RBFOX1: variants seen among roughly 807,000 people sequenced by gnomAD.
The protein encoded by RBFOX1 is RNA binding protein fox-1 homolog 1.
In RBFOX1, 8 loss-of-function variants were observed where a neutral mutation model predicts 57.7. The observed-to-expected ratio is 0.14, with a 90% CI of 0.08 to 0.25. The LOEUF is 0.25. Among genes scored for constraint, RBFOX1 ranks in the 10% least tolerant of loss-of-function variants. The probability of loss-of-function intolerance (pLI) is 1.00; values close to 1 mark genes in which losing one functional copy is unlikely to be tolerated. For synonymous variants in RBFOX1, 326 were observed against 222.4 expected, an observed-to-expected ratio of 1.47 and a Z score of -4.15; for missense variants, 611 against 548.5, an observed-to-expected ratio of 1.11 and a Z score of -1.14.
intron 2 of RBFOX1, among the ~76,000 whole-genome samples, chr16:6,481,905 C>T (rs991795355): frequency 6.6e-6 from 1 of 152,046 alleles, no homozygotes; most frequent in African/African-American, 2.4e-5. Context: ...ATTAAAAACA[C>T]TCTTAATGCA....
chr16:5,450,571 T>G, intron 1 of RBFOX1, among the ~76,000 whole-genome samples: 1 of 152,182 alleles, frequency 6.6e-6, no homozygotes, highest in East Asian at 1.9e-4. Flanking sequence ...TCTTTCTTTG[T>G]TCTCTGGAGT....
chr16:7,540,388 C>G (rs75528202), intron 5 of RBFOX1, among the ~76,000 whole-genome samples: 8,434 of 152,272 alleles, frequency 0.055, 324 homozygotes, highest in South Asian at 0.13. Flanking sequence ...GACTTCACAT[C>G]CAGGCTCCCT....
chr16:7,377,292 G>T (rs973337840), intron 4 of RBFOX1, among the ~76,000 whole-genome samples: 2 of 152,182 alleles, frequency 1.3e-5, no homozygotes, highest in Non-Finnish European at 2.9e-5. Flanking sequence ...CTGGGACACA[G>T]GTGGTCCGTA....
intron 1 of RBFOX1, among the ~76,000 whole-genome samples, chr16:6,239,186 A>G (rs989250566): frequency 2.6e-5 from 4 of 152,126 alleles, no homozygotes; most frequent in African/African-American, 9.7e-5. Flanking sequence ...TAACGGTATG[A>G]ATGAATGAAT....
intron 3 of RBFOX1, among the ~76,000 whole-genome samples, chr16:5,662,228 TC>T (rs2049677469): frequency 6.6e-6 from 1 of 152,218 alleles, no homozygotes; most frequent in Non-Finnish European, 1.5e-5. Flanking sequence ...TTGAGTGTCT[TC>T]TAATGTAAAA....
At chr16:5,334,686 A>C (rs955483576) in intron 1 of RBFOX1, among the ~76,000 whole-genome samples, 1 of 151,998 alleles carries the variant, frequency 6.6e-6, no homozygotes, top group Admixed American at 6.6e-5. Flanking sequence ...AATAAATACA[A>C]AACGATTGTT....
chr16:5,245,210 G>A, intron 1 of RBFOX1, among the ~76,000 whole-genome samples: 1 of 152,164 alleles, frequency 6.6e-6, no homozygotes, highest in East Asian at 1.9e-4. Context: ...TTTGGGGAAT[G>A]TTCATGGGAT....
At chr16:5,908,705 G>A (rs570417091) in intron 4 of RBFOX1, among the ~76,000 whole-genome samples, 8 of 151,968 alleles carry the variant, frequency 5.3e-5, no homozygotes, top group Non-Finnish European at 1.0e-4. Flanking sequence ...GTTTCAATTC[G>A]ATGCATATAA....
intron 1 of RBFOX1, among the ~76,000 whole-genome samples, chr16:6,134,683 ATT>A (rs61209958): frequency 7.0e-6 from 1 of 143,456 alleles, no homozygotes; most frequent in Non-Finnish European, 1.5e-5. Context: ...AACTCAGAGT[ATT>A]TTTTTTTTTT....
At chr16:5,732,523 G>A (rs1264072682) in intron 3 of RBFOX1, among the ~76,000 whole-genome samples, 2 of 152,178 alleles carry the variant, frequency 1.3e-5, no homozygotes, top group African/African-American at 4.8e-5. Flanking sequence ...GCAAGACATA[G>A]GGGAGAGGCA....
intron 3 of RBFOX1, among the ~76,000 whole-genome samples, chr16:6,973,426 C>T (rs1458386596): frequency 1.3e-5 from 2 of 152,048 alleles, no homozygotes; most frequent in African/African-American, 4.8e-5. Flanking sequence ...AGCATTCTTC[C>T]CAGTGATATC....
At position 7,426,994 on chromosome 16, in the gene RBFOX1, C is replaced by T. The variant is rs190348361; in HGVS notation, c.28-91153C>T. On this transcript the variant is annotated intron_variant, in intron 4 of 15. Coordinates refer to ENST00000550418, the MANE Select transcript of RBFOX1 (RefSeq NM_018723.4). The stretch of plus-strand genomic sequence containing the variant: ...ATGGATGAAGCTGGAAACCATCATT[C>T]TCAGCAAACTATTGAAAGGACAGAA... Among the ~76,000 whole-genome samples the T allele has an allele frequency of 2.0e-5, 3 of 152,302 alleles. No homozygotes were observed. In the East Asian group the frequency reaches 5.8e-4, roughly 29 times the overall value.
At position 7,137,400 on chromosome 16, in the gene RBFOX1, C is replaced by T. The variant is rs547580828; in HGVS notation, c.27+85302C>T. On this transcript the variant is annotated intron_variant, in intron 4 of 15. Transcript: ENST00000550418. ...TGGGGGTAGTTTCCCCCATACTGTT[C>T]TCGTGGTAGCGAGTAAGTCTGATGA... Among the ~76,000 whole-genome samples the T allele has an allele frequency of 3.9e-5, 6 of 152,226 alleles. No individual in the cohort carries two copies. In the East Asian group the frequency reaches 1.2e-3, roughly 30 times the overall value.
At chr16:6,919,066 C>G (rs1037258903) in intron 3 of RBFOX1, among the ~76,000 whole-genome samples, 5 of 152,108 alleles carry the variant, frequency 3.3e-5, no homozygotes, top group African/African-American at 1.2e-4. Context: ...CTGCAACCTC[C>G]GTTCTTGGGT....
intron 4 of RBFOX1, among the ~76,000 whole-genome samples, chr16:7,058,016 A>AAAAT (rs1555829835): frequency 2.6e-5 from 4 of 151,460 alleles, no homozygotes; most frequent in Non-Finnish European, 5.9e-5. Context: ...GAAAAAAAAA[A>AAAAT]AAAAAACACG....
chr16:5,409,433 T>C (rs2066954763), intron 1 of RBFOX1, among the ~76,000 whole-genome samples: 1 of 152,238 alleles, frequency 6.6e-6, no homozygotes, highest in East Asian at 1.9e-4. Context: ...GGAGGCTTTT[T>C]CCCTCTTAAC....
At chr16:6,657,169 C>A (rs149588420) in intron 3 of RBFOX1, among the ~76,000 whole-genome samples, 1 of 150,220 alleles carries the variant, frequency 6.7e-6, no homozygotes, top group Non-Finnish European at 1.5e-5. Context: ...TCCTCCTTCC[C>A]TTTTTCTCTC....
intron 4 of RBFOX1, among the ~76,000 whole-genome samples, chr16:5,887,649 C>A (rs1390531861): frequency 6.6e-6 from 1 of 152,100 alleles, no homozygotes; most frequent in African/African-American, 2.4e-5. Context: ...AGTGATCCAC[C>A]CGCCTCAGCC....
chr16:5,535,581 C>A (rs2044662109), intron 2 of RBFOX1, among the ~76,000 whole-genome samples: 1 of 152,194 alleles, frequency 6.6e-6, no homozygotes, highest in Non-Finnish European at 1.5e-5. Context: ...AACTTCTGGG[C>A]TTACAGCTCT....
Sources: gnomAD v4.1 joint callset for allele counts (sites outside exome capture counted in the v4.1 genomes callset) on GRCh38, gnomAD v4.1.1 for gene constraint, MANE v1.5 for transcripts, NCBI Gene and HGNC (gene_info 2026-07-23, HGNC 2026-07-21) for gene names.